Variants in CRYZ observed in about 807,000 individuals in gnomAD.
The protein encoded by CRYZ is crystallin zeta.
In CRYZ, 35 loss-of-function variants were observed where a neutral mutation model predicts 34.1. That is an observed-to-expected ratio of 1.03 (90% CI 0.78 to 1.36). CRYZ has a LOEUF of 1.36. Ranked by LOEUF, CRYZ falls within the 40% of genes most tolerant of loss-of-function variation. The pLI is 0.00. For missense variants in CRYZ, 403 were observed against 391.8 expected (o/e 1.03, Z -0.24); for synonymous variants, 137 against 136.5 (o/e 1.00, Z -0.03).
chr1:74,714,435 C>T, intron 5 of CRYZ, 144 bp downstream of exon 5: 1 of 685,590 alleles, frequency 1.5e-6, no homozygotes, highest in South Asian at 2.2e-5. Flanking sequence ...TTCAGAAGAC[C>T]AAAATCAAAA....
chr1:74,721,687 A>C (rs1374465468), intron 3 of CRYZ, among the ~76,000 whole-genome samples: 1 of 152,230 alleles, frequency 6.6e-6, no homozygotes, highest in Non-Finnish European at 1.5e-5. Context: ...AGGGAAAGCG[A>C]GGAGTAATCC....
chr1:74,732,051 G>A (rs1333407378), intron 1 of CRYZ, among the ~76,000 whole-genome samples: 1 of 152,162 alleles, frequency 6.6e-6, no homozygotes, highest in African/African-American at 2.4e-5. Context: ...CCCACAGCTG[G>A]GCTGTGGGAA....
At chr1:74,706,637 C>T (rs114973079) in intron 8 of CRYZ, among the ~76,000 whole-genome samples, 180 bp from the exon 9 acceptor site, 2,065 of 152,182 alleles carry the variant, frequency 0.014, 33 homozygotes, top group African/African-American at 0.047. Context: ...AACCATAAAT[C>T]CCATCTGCCT....
chr1:74,714,761 A>G (rs914607504), intron 4 of CRYZ, 131 bp from the exon 5 acceptor site: 6 of 750,134 alleles, frequency 8.0e-6, no homozygotes, highest in South Asian at 3.3e-5. Context: ...GCAACCTGAC[A>G]TACAGCCCCA....
Position 74,724,852 on chromosome 1 carries a change from T to A in CRYZ, c.-13-18A>T. ...TCTAGATACTAAGGAAGAAAAAAAA[T>A]TAATGTATTGTCACATTGTATCTAG... On this transcript the variant is annotated intron_variant, in intron 1 of 8. Coordinates refer to ENST00000340866, the MANE Select transcript of CRYZ (RefSeq NM_001889.4). 7.2e-7 allele frequency: 1 copy of A among 1,392,888 alleles called. No individual in the cohort carries two copies. Among genetic ancestry groups the A allele is most frequent in the Non-Finnish European group, 1.0e-6 (1 of 986,190 alleles). The allele number at this position is 1,392,888 out of a possible 1,614,324, so 86.3% of individuals were successfully genotyped here. A position where few individuals can be genotyped will look rare whatever the true frequency, so the allele number is the denominator to read the frequency against.
intron 2 of CRYZ, 139 bp downstream of exon 2, chr1:74,724,572 C>G (rs1294443233): frequency 1.8e-6 from 1 of 550,526 alleles, no homozygotes; most frequent in African/African-American, 1.9e-5. Context: ...TTATCAATGT[C>G]CATATGTATA....
intron 4 of CRYZ, among the ~76,000 whole-genome samples, chr1:74,716,040 T>C (rs1378385656): frequency 2.6e-5 from 4 of 151,952 alleles, no homozygotes; most frequent in Non-Finnish European, 5.9e-5. Context: ...TGACCTCCGA[T>C]GAGCAAGAGT....
At chr1:74,721,892 C>A (rs1186123754) in intron 3 of CRYZ, among the ~76,000 whole-genome samples, 1 of 152,118 alleles carries the variant, frequency 6.6e-6, no homozygotes, top group African/African-American at 2.4e-5. Context: ...CCACTGGACA[C>A]GGGAGGCTAT....
intron 5 of CRYZ, among the ~76,000 whole-genome samples, chr1:74,710,732 GAT>G (rs1646990804): frequency 6.6e-6 from 1 of 152,232 alleles, no homozygotes; most frequent in Admixed American, 6.5e-5. Flanking sequence ...AAGTAGAAGA[GAT>G]AGGTATATGG....
chr1:74,724,895 C>A, intron 1 of CRYZ, 61 bp from the exon 2 acceptor site: 1 of 993,122 alleles, frequency 1.0e-6, no homozygotes. Context: ...CCATGTTTTT[C>A]CCCCCTGGAG....
Position 74,720,612 on chromosome 1 carries a change from G to A in CRYZ, c.265-1240C>T, listed in dbSNP as rs1357632895. On this transcript the variant is annotated intron_variant, in intron 3 of 8. Coordinates refer to ENST00000340866, the MANE Select transcript of CRYZ (RefSeq NM_001889.4). ...AACTGAAATCTGAAAATGTAGAAAT[G>A]TTATCTGATAGGATAAAGACAAAAA... Among the ~76,000 whole-genome samples, 3 of 152,108 alleles carry A rather than the reference G, an allele frequency of 2.0e-5. No homozygotes were observed. In the South Asian group the frequency reaches 6.2e-4, roughly 32 times the overall value.
At chr1:74,729,787 A>T (rs1461545024) in intron 1 of CRYZ, among the ~76,000 whole-genome samples, 1 of 152,210 alleles carries the variant, frequency 6.6e-6, no homozygotes, top group African/African-American at 2.4e-5. Context: ...TTCTCAAAGA[A>T]TTCGGTCTAG....
At position 74,714,576 on chromosome 1, in the gene CRYZ, T is replaced by C. The variant is rs1374436361; in HGVS notation, c.480+3A>G. The C allele has an allele frequency of 6.2e-7, 1 of 1,613,058 alleles. No individual in the cohort carries two copies. The highest frequency in any genetic ancestry group is 1.7e-5 in the Admixed American group (1 of 59,952). ...TTCAAAATACATTAAAAAAAATACT[T>C]ACTCCTCCACTTGCCCCATGAACCA... On this transcript the variant is annotated splice_donor_region_variant and intron_variant, in intron 5 of 8. Coordinates refer to ENST00000340866, the MANE Select transcript of CRYZ (RefSeq NM_001889.4).
At chr1:74,725,266 G>T (rs1647275122) in intron 1 of CRYZ, among the ~76,000 whole-genome samples, 3 of 152,144 alleles carry the variant, frequency 2.0e-5, no homozygotes, top group African/African-American at 7.2e-5. Flanking sequence ...ATACTGCTAT[G>T]AAGAAATACT....
rs765064071 is a variant in CRYZ, at chr1:74,707,103, T to C, written c.732A>G (p.Ile244Met). Residue 244 changes from isoleucine (I) to methionine (M), a missense_variant and splice_region_variant, in exon 7 of 9, where the codon ATA becomes ATG. Physicochemically the swap from Ile to Met is conservative, Grantham distance 10 (BLOSUM62 1). Coordinates refer to ENST00000340866, the MANE Select transcript of CRYZ (RefSeq NM_001889.4). ...LSLLSHGGRV[I>M]VVGSRGTIEI... ...AAAAAAAAAGAAAAGGAATACTTAC[T>C]ATCACTCGTCCTCCATGTGACAGAA... 2.5e-5 allele frequency: 39 copies of C among 1,561,282 alleles called. No homozygotes were observed. Among genetic ancestry groups the C allele is most frequent in the Non-Finnish European group, 3.3e-5 (38 of 1,148,424 alleles).
chr1:74,716,245 G>T (rs1647073491), intron 4 of CRYZ, among the ~76,000 whole-genome samples: 1 of 151,684 alleles, frequency 6.6e-6, no homozygotes, highest in South Asian at 2.1e-4. Flanking sequence ...GATTCTTAAG[G>T]AATTTATATA....
rs574869024 is a variant in CRYZ at position 74,720,720 on chromosome 1, A to C, written c.265-1348T>G. Among the ~76,000 whole-genome samples the C allele has an allele frequency of 2.0e-5, 3 of 152,340 alleles. No homozygotes were observed. In the East Asian group the frequency reaches 5.8e-4, roughly 29 times the overall value. On this transcript the variant is annotated intron_variant, in intron 3 of 8. Coordinates refer to ENST00000340866, the MANE Select transcript of CRYZ (RefSeq NM_001889.4). ...AGAAATGTCAAATATGATGAAGATT[A>C]ATCCAGTTTTAACAGCTAAAAAACA...
chr1:74,719,442 T>C, intron 3 of CRYZ, 70 bp from the exon 4 acceptor site: 1 of 1,410,870 alleles, frequency 7.1e-7, no homozygotes, highest in Non-Finnish European at 9.6e-7. Flanking sequence ...TATAATCCTT[T>C]ATAACAAGAA....
At position 74,706,251 on chromosome 1, in the gene CRYZ, G is replaced by T. The variant is rs1314443436; in HGVS notation, c.*45C>A. The T allele has an allele frequency of 6.7e-7, 1 of 1,489,192 alleles. No individual in the cohort carries two copies. Among genetic ancestry groups the T allele is most frequent in the Non-Finnish European group, 9.1e-7 (1 of 1,100,928 alleles). 92.2% of individuals were successfully genotyped at this position (1,489,192 alleles called of 1,614,324 possible). On this transcript the variant is annotated 3_prime_UTR_variant, in exon 9 of 9. Coordinates refer to ENST00000340866, the MANE Select transcript of CRYZ (RefSeq NM_001889.4). ...ATAGGGTAAGTACAACTGGGGGAAA[G>T]ACAGTACCTCTAATTACATAGGAAA...
Sources: allele counts gnomAD v4.1 joint callset (sites outside exome capture counted in the v4.1 genomes callset), GRCh38; gene constraint gnomAD v4.1.1; transcripts MANE v1.5; gene names NCBI Gene and HGNC (gene_info 2026-07-23, HGNC 2026-07-21).